The following BMP5 variants were observed in gnomAD, a reference collection of about 807,000 sequenced individuals.
BMP5 encodes the protein bone morphogenetic protein 5.
BMP5 carries 23 observed loss-of-function variants against 46.6 expected under a neutral mutation model. The ratio of observed to expected loss-of-function variants is 0.49; its 90% CI spans 0.35 to 0.70. The LOEUF is 0.70. BMP5 is among the 30% of genes least tolerant of loss of function. BMP5 has a pLI of 0.00. For synonymous variants in BMP5, 204 were observed against 191.9 expected, an observed-to-expected ratio of 1.06 and a Z score of -0.52; for missense variants, 545 against 565.6, an observed-to-expected ratio of 0.96 and a Z score of 0.37.
At chr6:55,769,855 ATCAAGTACATTG>A (rs1386608768) in intron 4 of BMP5, among the ~76,000 whole-genome samples, 16 of 152,086 alleles carry the variant, frequency 1.1e-4, no homozygotes, top group African/African-American at 3.6e-4. Flanking sequence ...CTCTTGGGTG[ATCAAGTACATTG>A]TCAATGGGCA....
intron 6 of BMP5, among the ~76,000 whole-genome samples, chr6:55,756,619 A>G (rs1254977677): frequency 6.6e-6 from 1 of 151,956 alleles, no homozygotes; most frequent in Admixed American, 6.6e-5. Context: ...AAGCAAATAC[A>G]GCCTCTTACA....
intron 2 of BMP5, among the ~76,000 whole-genome samples, chr6:55,816,471 A>G (rs925482383): frequency 6.6e-6 from 1 of 152,158 alleles, no homozygotes; most frequent in African/African-American, 2.4e-5. Flanking sequence ...TAAAAATAAC[A>G]TATTATAGTA....
At chr6:55,787,573 A>T (rs928461912) in intron 3 of BMP5, among the ~76,000 whole-genome samples, 3 of 151,624 alleles carry the variant, frequency 2.0e-5, no homozygotes, top group Non-Finnish European at 4.4e-5. Flanking sequence ...ATTACTGTGC[A>T]GGTAGGAATG....
Position 55,819,071 on chromosome 6 carries a change from TCAGAGAAAATGAC to T in BMP5, c.683+571_683+583del, listed in dbSNP as rs149403538. 9.5e-3 allele frequency among the ~76,000 whole-genome samples: 1,441 copies of T among 152,248 alleles called. 24 individuals are homozygous for T. Among genetic ancestry groups the T allele is most frequent in the African/African-American group, 0.033 (1,383 of 41,554 alleles). On this transcript the variant is annotated intron_variant, in intron 2 of 6. Coordinates refer to ENST00000370830, the MANE Select transcript of BMP5 (RefSeq NM_021073.4). ...AGTGATTTCTGCATTTTGTTAAATA[TCAGAGAAAATGAC>T]TGATATTTAACACTTATTTTCAATG...
At chr6:55,780,496 A>AAG (rs1775290684) in intron 3 of BMP5, among the ~76,000 whole-genome samples, 1 of 151,242 alleles carries the variant, frequency 6.6e-6, no homozygotes. Context: ...GAAAGAAAGA[A>AAG]AGAAACGTGG....
intron 1 of BMP5, among the ~76,000 whole-genome samples, chr6:55,847,239 A>G (rs1321383970): frequency 6.6e-6 from 1 of 151,932 alleles, no homozygotes; most frequent in South Asian, 2.1e-4. Flanking sequence ...TCTTTGCCAG[A>G]CCCAGGATAA....
Position 55,753,865 on chromosome 6 carries a change from T to C in BMP5, c.*1668A>G, listed in dbSNP as rs1774514925. 2 of 151,984 alleles carry C rather than the reference T, an allele frequency of 1.3e-5. No individual in the cohort carries two copies. Among genetic ancestry groups the C allele is most frequent in the African/African-American group, 4.8e-5 (2 of 41,434 alleles). The allele number at this position is 151,984 out of a possible 1,614,324, so 9.4% of individuals were successfully genotyped here. ...AGCAGAAATTAGCATCTGTTTAATATATTTTAAAATATGGAAATATATTTA... is the reference window on the plus strand; with the variant it reads ...AGCAGAAATTAGCATCTGTTTAATACATTTTAAAATATGGAAATATATTTA... On this transcript the variant is annotated 3_prime_UTR_variant, in exon 7 of 7. Coordinates refer to ENST00000370830, the MANE Select transcript of BMP5 (RefSeq NM_021073.4).
intron 4 of BMP5, among the ~76,000 whole-genome samples, chr6:55,761,301 G>A (rs1774770569): frequency 6.6e-6 from 1 of 151,930 alleles, no homozygotes; most frequent in African/African-American, 2.4e-5. Context: ...TAGTCTCCCT[G>A]CTTCTGCCCT....
At chr6:55,829,968 A>G (rs1425615496) in intron 1 of BMP5, among the ~76,000 whole-genome samples, 2 of 151,918 alleles carry the variant, frequency 1.3e-5, no homozygotes, top group African/African-American at 4.8e-5. Flanking sequence ...TGGTCCCTTC[A>G]AAAGTATGGT....
At chr6:55,809,244 T>C (rs1434046966) in intron 2 of BMP5, among the ~76,000 whole-genome samples, 1 of 152,198 alleles carries the variant, frequency 6.6e-6, no homozygotes, top group East Asian at 1.9e-4. Flanking sequence ...TGCTACTTTC[T>C]TAACAAACTA....
chr6:55,778,092 A>G (rs898908373), intron 3 of BMP5, among the ~76,000 whole-genome samples: 2 of 152,064 alleles, frequency 1.3e-5, no homozygotes, highest in Non-Finnish European at 2.9e-5. Flanking sequence ...GGGAGTTTTA[A>G]TGTGCATCAA....
intron 1 of BMP5, among the ~76,000 whole-genome samples, chr6:55,852,045 C>T (rs1253310107): frequency 1.3e-5 from 2 of 152,044 alleles, no homozygotes; most frequent in Non-Finnish European, 2.9e-5. Flanking sequence ...TTTTTATATG[C>T]CAAGCACTTA....
chr6:55,756,917 C>G (rs899835668), intron 6 of BMP5, among the ~76,000 whole-genome samples: 2 of 151,870 alleles, frequency 1.3e-5, no homozygotes, highest in Non-Finnish European at 2.9e-5. Flanking sequence ...ATATTAGTCA[C>G]AAACATGCTT....
rs113960151 is a variant in BMP5 at position 55,869,093 on chromosome 6, T to C, written c.490+5283A>G. On this transcript the variant is annotated intron_variant, in intron 1 of 6. Transcript: ENST00000370830. Reference sequence around the variant, plus strand: ...GGAAGCCTCTTCCTTTAACCTGTGGTTTTTTAAAGCTGAGCTACTACATTA... The same window carrying C: ...GGAAGCCTCTTCCTTTAACCTGTGGCTTTTTAAAGCTGAGCTACTACATTA... Among the ~76,000 whole-genome samples the C allele has an allele frequency of 2.8e-3, 433 of 152,274 alleles. 4 individuals are homozygous for C. Among genetic ancestry groups the C allele is most frequent in the African/African-American group, 9.9e-3 (410 of 41,556 alleles).
chr6:55,833,248 A>G (rs899904315), intron 1 of BMP5, among the ~76,000 whole-genome samples: 3 of 152,192 alleles, frequency 2.0e-5, no homozygotes, highest in African/African-American at 4.8e-5. Flanking sequence ...TATTCCTACA[A>G]TCACAACTAA....
At chr6:55,864,378 G>A (rs1473549823) in intron 1 of BMP5, among the ~76,000 whole-genome samples, 1 of 152,116 alleles carries the variant, frequency 6.6e-6, no homozygotes, top group Non-Finnish European at 1.5e-5. Flanking sequence ...CTTGTGGGAG[G>A]GAGGGAGTTA....
chr6:55,801,087 G>T (rs762602355), intron 2 of BMP5, among the ~76,000 whole-genome samples: 9 of 152,162 alleles, frequency 5.9e-5, no homozygotes, highest in African/African-American at 2.2e-4. Flanking sequence ...TCAATTTAAC[G>T]TATTTTCACA....
chr6:55,766,761 G>A (rs1178139887), intron 4 of BMP5, among the ~76,000 whole-genome samples: 1 of 152,018 alleles, frequency 6.6e-6, no homozygotes, highest in African/African-American at 2.4e-5. Context: ...TAATTTCCTA[G>A]CTGATACCAC....
chr6:55,859,645 C>G (rs954108393), intron 1 of BMP5, among the ~76,000 whole-genome samples: 3 of 152,126 alleles, frequency 2.0e-5, no homozygotes, highest in African/African-American at 7.2e-5. Context: ...ATAATTGGCT[C>G]TAGATAATGG....
Sources: gnomAD v4.1 joint callset for allele counts (sites outside exome capture counted in the v4.1 genomes callset) on GRCh38, gnomAD v4.1.1 for gene constraint, MANE v1.5 for transcripts, NCBI Gene and HGNC (gene_info 2026-07-23, HGNC 2026-07-21) for gene names.